Variants in OR6K6 observed in about 807,000 individuals in gnomAD.
The protein encoded by OR6K6 is olfactory receptor family 6 subfamily K member 6, also known as olfactory receptor 6K6.
In OR6K6, 9 loss-of-function variants were observed where a neutral mutation model predicts 8.1. That is an observed-to-expected ratio of 1.11 (90% CI 0.67 to 1.94). The LOEUF (loss-of-function observed/expected upper bound fraction) is 1.94, where lower values mean the gene tolerates loss of function less well. Ranked by LOEUF, OR6K6 falls within the 30% of genes most tolerant of loss-of-function variation. OR6K6 has a pLI of 0.00. For missense variants in OR6K6, 400 were observed against 383.1 expected, an observed-to-expected ratio of 1.04 and a Z score of -0.37; for synonymous variants, 156 against 140.3, an observed-to-expected ratio of 1.11 and a Z score of -0.79.
chr1:158,755,362 C>T (rs1656965754), exon 1 of OR6K6: 2 of 1,614,200 alleles, frequency 1.2e-6, no homozygotes, highest in Non-Finnish European at 1.7e-6. Flanking sequence ...TGGCTTCCTC[C>T]TTGTGCTTCC....
At chr1:158,755,199 G>A in exon 1 of OR6K6, 1 of 1,614,086 alleles carries the variant, frequency 6.2e-7, no homozygotes, top group South Asian at 1.1e-5. Flanking sequence ...GCCTCCTGCA[G>A]ATGTACTTTT....
Position 158,754,886 on chromosome 1 carries a change from AG to A in OR6K6, c.-1del, listed in dbSNP as rs753526320. On this transcript the variant is annotated 5_prime_UTR_variant, in exon 1 of 1. Transcript: ENST00000641861. ...CTCTTGTTTCCTTTTCTGTGTTCAC[AG>A]ATGACACAGTTGACGGCCAGTGGGA... 9 of 1,613,710 alleles carry A rather than the reference AG, an allele frequency of 5.6e-6. No homozygotes were observed. The Admixed American group carries it at 6.7e-5, about 12-fold the overall frequency.
chr1:158,755,807 T>A, exon 1 of OR6K6: 1 of 1,612,318 alleles, frequency 6.2e-7, no homozygotes, highest in Non-Finnish European at 8.5e-7. Flanking sequence ...ATTGGAAGGC[T>A]TTTCCACTAT....
chr1:158,755,643 G>A (rs751876595), exon 1 of OR6K6: 1 of 1,614,186 alleles, frequency 6.2e-7, no homozygotes, highest in Non-Finnish European at 8.5e-7. Flanking sequence ...CTGTGTTCTT[G>A]CTATTTTTTG....
At chr1:158,755,535 C>T in exon 1 of OR6K6, 12 of 1,614,230 alleles carry the variant, frequency 7.4e-6, no homozygotes, top group Non-Finnish European at 1.0e-5. Flanking sequence ...CCTTCCTGGT[C>T]ATTGCTCTAT....
chr1:158,755,249 C>A lies in OR6K6; in HGVS notation c.362C>A (p.Ala121Glu), dbSNP rs1466289916. ...ATCACAGAAAGCTGTGTCCTGACAG[C>A]AATGGCCATTGACAGGTACATAGCT... The change falls in exon 1 of 1, where the codon GCA (alanine) becomes GAA (glutamate). Residue 121 changes from alanine (A) to glutamate (E), a missense_variant. Physicochemically the swap from Ala to Glu is moderately radical, Grantham distance 107 (BLOSUM62 -1). Transcript: ENST00000641861. 5.0e-6 allele frequency: 8 copies of A among 1,613,952 alleles called. No homozygotes were observed. In the African/African-American group the frequency reaches 1.1e-4, roughly 22 times the overall value.
chr1:158,755,416 C>G, exon 1 of OR6K6: 1 of 1,614,196 alleles, frequency 6.2e-7, no homozygotes, highest in Non-Finnish European at 8.5e-7. Context: ...TGGCTCCAAC[C>G]AGATCCACCA....
chr1:158,755,405 G>A (rs370904401), exon 1 of OR6K6: 10 of 1,613,982 alleles, frequency 6.2e-6, no homozygotes, highest in African/African-American at 1.3e-5. Flanking sequence ...TTGCCTTTCT[G>A]TGGCTCCAAC....
exon 1 of OR6K6, chr1:158,755,307 G>A (rs866915939): frequency 1.2e-6 from 2 of 1,614,128 alleles, no homozygotes; most frequent in South Asian, 2.2e-5. Context: ...CAACCATCAT[G>A]ATTCCCAAAC....
At chr1:158,755,492 T>G (rs779166759) in exon 1 of OR6K6, 1 of 1,614,224 alleles carries the variant, frequency 6.2e-7, no homozygotes, top group East Asian at 2.2e-5. Context: ...GTGGTCATTG[T>G]GGATGCCATC....
exon 1 of OR6K6, chr1:158,755,245 A>C (rs747162863): frequency 6.2e-7 from 1 of 1,614,110 alleles, no homozygotes; most frequent in Non-Finnish European, 8.5e-7. Flanking sequence ...CTGTGTCCTG[A>C]CAGCAATGGC....
In OR6K6 at chr1:158,754,932, G is replaced by A. The variant is rs16840974; in HGVS notation, c.45G>A (p.Glu15=). Residue 15 remains glutamate, a synonymous_variant, in exon 1 of 1, where the codon GAG becomes GAA. Coordinates refer to ENST00000641861, the Ensembl canonical transcript of OR6K6. ...GTGGGAATCAGACAATGGTGACTGA[G>A]TTCCTCTTCTCTATGTTCCCGCATG... 3.1e-6 allele frequency: 5 copies of A among 1,613,984 alleles called. No individual in the cohort carries two copies. In the Admixed American group the frequency reaches 8.3e-5, roughly 27 times the overall value.
At chr1:158,755,015 T>A in exon 1 of OR6K6, 1 of 1,614,166 alleles carries the variant, frequency 6.2e-7, no homozygotes, top group Non-Finnish European at 8.5e-7. Context: ...GGATTTATCC[T>A]AACTGGAAAC....
chr1:158,755,766 T>C (rs182482479), exon 1 of OR6K6: 99 of 1,614,050 alleles, frequency 6.1e-5, no homozygotes, highest in Non-Finnish European at 8.3e-5. Flanking sequence ...CCATCATCTA[T>C]AGCCTGAAAA....
exon 1 of OR6K6, chr1:158,755,541 T>C (rs1399102934): frequency 6.2e-7 from 1 of 1,614,216 alleles, no homozygotes; most frequent in South Asian, 1.1e-5. Context: ...TGGTCATTGC[T>C]CTATCCTACA....
At chr1:158,755,089 A>G (rs886373218) in exon 1 of OR6K6, 1 of 1,614,002 alleles carries the variant, frequency 6.2e-7, no homozygotes, top group East Asian at 2.2e-5. Flanking sequence ...TTTCTTTATC[A>G]GTGTCCTCTC....
chr1:158,755,018 C>A (rs754090929), exon 1 of OR6K6: 1 of 1,614,034 alleles, frequency 6.2e-7, no homozygotes, highest in Non-Finnish European at 8.5e-7. Flanking sequence ...TTTATCCTAA[C>A]TGGAAACCTA....
exon 1 of OR6K6, chr1:158,754,991 T>C (rs976639621): frequency 5.0e-6 from 8 of 1,614,208 alleles, no homozygotes; most frequent in Non-Finnish European, 6.8e-6. Context: ...TTTATTCCCT[T>C]GCTTCTCATC....
Position 158,754,902 on chromosome 1 carries a change from G to T in OR6K6, c.15G>T (p.Thr5=), listed in dbSNP as rs138864853. ...TGTGTTCACAGATGACACAGTTGAC[G>T]GCCAGTGGGAATCAGACAATGGTGA... is the stretch of plus-strand genomic sequence containing the variant. Residue 5 remains threonine, a synonymous_variant, in exon 1 of 1, where the codon ACG becomes ACT. Coordinates refer to ENST00000641861, the Ensembl canonical transcript of OR6K6. 4,959 of 1,613,920 alleles carry T rather than the reference G, an allele frequency of 3.1e-3. 21 individuals are homozygous for T. Among genetic ancestry groups the T allele is most frequent in the Non-Finnish European group, 3.1e-3 (3,635 of 1,179,856 alleles).
Sources: gnomAD v4.1 joint callset for allele counts on GRCh38, gnomAD v4.1.1 for gene constraint, MANE v1.5 for transcripts, NCBI Gene and HGNC (gene_info 2026-07-23, HGNC 2026-07-21) for gene names.